ETV1: variants seen among roughly 807,000 people sequenced by gnomAD.
The protein encoded by ETV1 is ETS variant transcription factor 1.
In ETV1, 27 loss-of-function variants were observed where a neutral mutation model predicts 62.3. The observed-to-expected ratio is 0.43, with a 90% CI of 0.32 to 0.60. The LOEUF is 0.60. Ranked by LOEUF, ETV1 falls within the 20% of genes least tolerant of loss-of-function variation. The pLI is 0.06. For synonymous variants in ETV1, 222 were observed against 199.6 expected (o/e 1.11, Z -0.94); for missense variants, 605 against 605.8 (o/e 1.00, Z 0.01).
At chr7:13,916,803 A>G (rs1784227219) in intron 9 of ETV1, among the ~76,000 whole-genome samples, 2 of 152,034 alleles carry the variant, frequency 1.3e-5, no homozygotes, top group African/African-American at 4.8e-5. Context: ...GTGGTGGCAC[A>G]CACCTGTAGT....
intron 9 of ETV1, among the ~76,000 whole-genome samples, chr7:13,912,880 C>T (rs1783703956): frequency 6.6e-6 from 1 of 152,106 alleles, no homozygotes; most frequent in South Asian, 2.1e-4. Context: ...AGACTCTAAT[C>T]AAATTGTAGA....
intron 6 of ETV1, among the ~76,000 whole-genome samples, chr7:13,967,632 A>T (rs993735550): frequency 6.6e-5 from 10 of 152,136 alleles, no homozygotes; most frequent in African/African-American, 1.9e-4. Context: ...TTAGGAAAAA[A>T]TTCAGTAACA....
intron 7 of ETV1, among the ~76,000 whole-genome samples, chr7:13,938,174 A>G (rs1421197308): frequency 6.6e-6 from 1 of 152,078 alleles, no homozygotes; most frequent in Non-Finnish European, 1.5e-5. Flanking sequence ...TGAACTCCCG[A>G]CCTCAGGTGA....
At chr7:13,987,938 T>C (rs1782697422) in intron 4 of ETV1, 148 bp downstream of exon 4, 1 of 600,282 alleles carries the variant, frequency 1.7e-6, no homozygotes, top group Non-Finnish European at 3.0e-6. Context: ...TGCCGCATTA[T>C]GTAAATCGTT....
At chr7:13,914,026 G>A (rs375160367) in intron 9 of ETV1, among the ~76,000 whole-genome samples, 1 of 151,910 alleles carries the variant, frequency 6.6e-6, no homozygotes, top group South Asian at 2.1e-4. Flanking sequence ...TGGGACTACA[G>A]GCTCCCGCCA....
intron 6 of ETV1, among the ~76,000 whole-genome samples, chr7:13,950,899 AACACACAC>A (rs67539493): frequency 0.026 from 3,573 of 138,892 alleles, 80 homozygotes; most frequent in East Asian, 0.14. Flanking sequence ...CTTCTCTAGG[AACACACAC>A]ACACACACAC....
intron 6 of ETV1, among the ~76,000 whole-genome samples, chr7:13,953,455 G>A (rs1789054814): frequency 6.6e-6 from 1 of 152,030 alleles, no homozygotes; most frequent in African/African-American, 2.4e-5. Flanking sequence ...TTCAAATAAT[G>A]GACAATACAT....
chr7:13,961,176 A>T (rs1405444181), intron 6 of ETV1, among the ~76,000 whole-genome samples: 1 of 151,976 alleles, frequency 6.6e-6, no homozygotes, highest in Non-Finnish European at 1.5e-5. Flanking sequence ...AAAAAGAAAA[A>T]TCTGTTATTA....
intron 9 of ETV1, among the ~76,000 whole-genome samples, chr7:13,925,559 A>G (rs537743373): frequency 5.5e-5 from 8 of 146,566 alleles, no homozygotes; most frequent in Admixed American, 4.2e-4. Flanking sequence ...TCAACTATAC[A>G]TTAATTGATT....
chr7:13,925,206 A>G (rs1214632428), intron 9 of ETV1, among the ~76,000 whole-genome samples: 2 of 152,158 alleles, frequency 1.3e-5, no homozygotes, highest in Non-Finnish European at 2.9e-5. Context: ...GCTCCACCAC[A>G]TGGCCGAGAA....
intron 6 of ETV1, among the ~76,000 whole-genome samples, chr7:13,941,797 G>T (rs532597508): frequency 6.6e-6 from 1 of 151,844 alleles, no homozygotes; most frequent in Admixed American, 6.6e-5. Context: ...TTGAACCCGC[G>T]AAGCAGAGTT....
chr7:13,921,526 G>C (rs75320485), intron 9 of ETV1, among the ~76,000 whole-genome samples: 1 of 152,104 alleles, frequency 6.6e-6, no homozygotes, highest in Non-Finnish European at 1.5e-5. Context: ...GAAAAAAGTT[G>C]CAGTAAACAG....
chr7:13,924,163 T>C (rs1301535471), intron 9 of ETV1, among the ~76,000 whole-genome samples: 1 of 152,050 alleles, frequency 6.6e-6, no homozygotes, highest in African/African-American at 2.4e-5. Flanking sequence ...TTGTGAAAAA[T>C]GGATTCAGCT....
At chr7:13,972,421 G>A (rs1490669979) in intron 6 of ETV1, among the ~76,000 whole-genome samples, 1 of 152,134 alleles carries the variant, frequency 6.6e-6, no homozygotes, top group Non-Finnish European at 1.5e-5. Context: ...AACCAAGTGA[G>A]ACCCTGTCTC....
At chr7:13,910,251 G>C (rs902294334) in intron 10 of ETV1, among the ~76,000 whole-genome samples, 1 of 78,116 alleles carries the variant, frequency 1.3e-5, no homozygotes, top group East Asian at 3.8e-4. Flanking sequence ...TTTTTTTGCT[G>C]TAAGGTAAGT....
intron 12 of ETV1, among the ~76,000 whole-genome samples, chr7:13,905,720 C>T (rs1782884641): frequency 6.6e-6 from 1 of 152,096 alleles, no homozygotes; most frequent in Non-Finnish European, 1.5e-5. Flanking sequence ...TTATCTCTGT[C>T]CAGGCTCTTC....
At chr7:13,926,458 G>A (rs190280551) in intron 9 of ETV1, among the ~76,000 whole-genome samples, 81 of 152,262 alleles carry the variant, frequency 5.3e-4, no homozygotes, top group African/African-American at 1.9e-3. Flanking sequence ...TTCTGAATTT[G>A]CAAAACCTCA....
In ETV1 at chr7:13,935,828, A is replaced by G. The variant is rs769109922; in HGVS notation, c.434T>C (p.Val145Ala). 2 of 1,613,902 alleles carry G rather than the reference A, an allele frequency of 1.2e-6. No individual in the cohort carries two copies. The highest frequency in any genetic ancestry group is 2.2e-5 in the South Asian group (2 of 91,072). ...SNPPTPSSTP[V>A]SPLHHASPNS... ...TGGAGATGCATGATGCAGTGGGGAC[A>G]CTGGCGTGCTGGATGGTGTGGGGGG... is the stretch of plus-strand genomic sequence containing the variant. Residue 145 changes from valine (V) to alanine (A), a missense_variant, in exon 8 of 14, where the codon GTG (valine) becomes GCG (alanine). This residue lies in a region of ETV1 where 426 missense variants were observed against 377.8 expected (regional missense o/e 1.13). Transcript: ENST00000430479.
At chr7:13,976,366 T>C (rs1028290467) in intron 6 of ETV1, among the ~76,000 whole-genome samples, 20 of 152,218 alleles carry the variant, frequency 1.3e-4, no homozygotes, top group African/African-American at 4.6e-4. Context: ...ATGGTAAATT[T>C]TGTGGTATGT....
Sources: gnomAD v4.1 joint callset for allele counts (sites outside exome capture counted in the v4.1 genomes callset) on GRCh38, gnomAD v4.1.1 for gene constraint, gnomAD v4.1.1 regional missense constraint, MANE v1.5 for transcripts, NCBI Gene and HGNC (gene_info 2026-07-23, HGNC 2026-07-21) for gene names.